Variants in NOSIP observed in about 807,000 individuals in gnomAD.
The protein encoded by NOSIP is nitric oxide synthase interacting protein.
Under a neutral mutation model 36.4 loss-of-function variants are expected in NOSIP, and 25 were observed. That is an observed-to-expected ratio of 0.69 (90% confidence interval 0.50 to 0.96). NOSIP has a LOEUF of 0.96. Among genes scored for constraint, NOSIP ranks in the 40% least tolerant of loss-of-function variants. The pLI, the probability that NOSIP is intolerant of heterozygous loss-of-function variation, is 0.00. For missense variants in NOSIP, 370 were observed against 429.0 expected (o/e 0.86, Z 1.21); for synonymous variants, 187 against 179.2 (o/e 1.04, Z -0.35).
intron 1 of NOSIP, among the ~76,000 whole-genome samples, chr19:49,571,361 G>T (rs9304689): frequency 0.25 from 38,410 of 151,876 alleles, 7,541 homozygotes; most frequent in African/African-American, 0.55. Context: ...AACCAAGGGT[G>T]GAAGAATAGC....
chr19:49,572,601 A>AT (rs2080500144), intron 1 of NOSIP, among the ~76,000 whole-genome samples: 1 of 151,456 alleles, frequency 6.6e-6, no homozygotes, highest in Non-Finnish European at 1.5e-5. Context: ...TTATATTTGT[A>AT]TTTTTAGCAC....
intron 1 of NOSIP, among the ~76,000 whole-genome samples, chr19:49,567,561 T>A (rs898475843): frequency 6.6e-6 from 1 of 152,196 alleles, no homozygotes; most frequent in African/African-American, 2.4e-5. Flanking sequence ...TGTGCCTGGG[T>A]CAGCAAGGAA....
chr19:49,571,525 C>T (rs561705860), intron 1 of NOSIP, among the ~76,000 whole-genome samples: 4 of 152,250 alleles, frequency 2.6e-5, no homozygotes, highest in Admixed American at 2.0e-4. Context: ...CAGGAGCGAC[C>T]GATGTCAGCA....
At position 49,555,770 on chromosome 19, in the gene NOSIP, C is replaced by G. The variant is rs746645712; in HGVS notation, c.887G>C (p.Arg296Pro). Residue 296 changes from arginine to proline, a missense_variant, in exon 9 of 9, where the codon CGG (arginine) becomes CCG (proline). Coordinates refer to ENST00000596358, the MANE Select transcript of NOSIP (RefSeq NM_001270960.2). ...ACACACTCAGGCCTGCATCACCGGC[C>G]GTGATTTCTCCGCTTGCAGCTTCAC... ...SGVKLQAEKS[R>P]PVMQA The G allele has an allele frequency of 1.2e-6, 2 of 1,613,604 alleles. No individual in the cohort carries two copies. The highest frequency in any genetic ancestry group is 8.5e-7 in the Non-Finnish European group (1 of 1,179,814).
At chr19:49,579,238 G>A (rs980271226) in intron 1 of NOSIP, 4 of 152,184 alleles carry the variant, frequency 2.6e-5, no homozygotes, top group African/African-American at 7.2e-5. Flanking sequence ...TTTAAAGTGT[G>A]ATGATGGTAT....
intron 1 of NOSIP, among the ~76,000 whole-genome samples, chr19:49,568,352 G>A (rs2080437991): frequency 1.3e-5 from 2 of 152,142 alleles, no homozygotes. Context: ...CCTAGTACCA[G>A]ATGTGGATGG....
chr19:49,556,676 C>G lies in NOSIP; in HGVS notation c.598G>C (p.Val200Leu), dbSNP rs757747143. The change falls in exon 7 of 9, where the codon GTG (valine) becomes CTG (leucine). Residue 200 changes from valine to leucine, a missense_variant. Val to Leu is a conservative substitution (Grantham distance 32). Around this residue, in one of 3 missense-constraint regions of NOSIP, gnomAD observed 315 missense variants for 331.9 expected, o/e 0.95. Transcript: ENST00000596358. ...GAGCTGTCTAGCGGTGTGAAGTGCA[C>G]GGGCGTCAGGTCCGACATGCGCAGG... ...KPLRMSDLTP[V>L]HFTPLDSSVD... 35 of 1,611,294 alleles carry G rather than the reference C, an allele frequency of 2.2e-5. No individual in the cohort carries two copies. The highest frequency in any genetic ancestry group is 2.9e-5 in the Non-Finnish European group (34 of 1,179,106).
rs541708409 is a variant in NOSIP, at chr19:49,555,895, G to T, written c.835-73C>A. The stretch of plus-strand genomic sequence containing the variant: ...ACCAGTGGGGCTCCAGGTGGTAGTG[G>T]GGATTCCTAAGCGGGTCAAGGTGAA... On this transcript the variant is annotated intron_variant, in intron 8 of 8. Transcript: ENST00000596358. 7.6e-5 allele frequency: 87 copies of T among 1,141,612 alleles called. No individual in the cohort carries two copies. In the East Asian group the frequency reaches 2.1e-3, roughly 27 times the overall value. 70.7% of individuals were successfully genotyped at this position (1,141,612 alleles called of 1,614,324 possible).
chr19:49,559,023 C>G (rs79151664), intron 3 of NOSIP, 45 bp from the exon 4 acceptor site: 3 of 1,501,422 alleles, frequency 2.0e-6, no homozygotes, highest in African/African-American at 2.8e-5. Flanking sequence ...GTGATCCTCC[C>G]GCCTCGGCCT....
intron 1 of NOSIP, among the ~76,000 whole-genome samples, chr19:49,568,797 A>G (rs5023762): frequency 3.8e-5 from 5 of 131,074 alleles, no homozygotes; most frequent in African/African-American, 1.6e-4. Context: ...AAAAAAAAAT[A>G]GTTTGTTTGT....
At chr19:49,579,655 A>G (rs1037242545) in intron 1 of NOSIP, among the ~76,000 whole-genome samples, 2 of 152,168 alleles carry the variant, frequency 1.3e-5, no homozygotes, top group African/African-American at 4.8e-5. Flanking sequence ...CCATAATTAG[A>G]TGTTGTTTGA....
intron 1 of NOSIP, among the ~76,000 whole-genome samples, chr19:49,567,002 G>A (rs1333690602): frequency 6.6e-6 from 1 of 151,216 alleles, no homozygotes; most frequent in Non-Finnish European, 1.5e-5. Context: ...TTTTAGTAGA[G>A]ATGGGGTTTC....
chr19:49,557,107 A>AGGGCCTTGGCTGTGAAAGGGTTGAG lies in NOSIP; in HGVS notation c.376_400dup (p.Leu134ProfsTer16). 1 of 1,612,240 alleles carries AGGGCCTTGGCTGTGAAAGGGTTGAG rather than the reference A, an allele frequency of 6.2e-7. No homozygotes were observed. The highest frequency in any genetic ancestry group is 8.5e-7 in the Non-Finnish European group (1 of 1,179,196). The stretch of plus-strand genomic sequence containing the variant: ...TGAGTCACCTGGGCTGGTGCCCGAG[A>AGGGCCTTGGCTGTGAAAGGGTTGAG]GGGCCTTGGCTGTGAAAGGGTTGAG... On this transcript the variant is annotated frameshift_variant, in exon 5 of 9. Coordinates refer to ENST00000596358, the MANE Select transcript of NOSIP (RefSeq NM_001270960.2). LOFTEE classifies it high-confidence loss of function.
chr19:49,574,113 C>T (rs1003338668), intron 1 of NOSIP, among the ~76,000 whole-genome samples: 2 of 152,018 alleles, frequency 1.3e-5, no homozygotes, highest in Non-Finnish European at 2.9e-5. Context: ...TCTACTACCT[C>T]GGCCTCCCAA....
At chr19:49,569,561 CT>C (rs1421480907) in intron 1 of NOSIP, among the ~76,000 whole-genome samples, 1 of 146,122 alleles carries the variant, frequency 6.8e-6, no homozygotes, top group Middle Eastern at 3.4e-3. Flanking sequence ...AATCCCAGCA[CT>C]TTAGGAGGCC....
chr19:49,572,066 T>C (rs1378407377), intron 1 of NOSIP, among the ~76,000 whole-genome samples: 2 of 151,110 alleles, frequency 1.3e-5, no homozygotes, highest in Admixed American at 6.6e-5. Context: ...TTTCAGCACA[T>C]CTCAGTAATT....
intron 1 of NOSIP, among the ~76,000 whole-genome samples, chr19:49,564,155 A>G (rs916093994): frequency 1.3e-5 from 2 of 152,260 alleles, no homozygotes; most frequent in East Asian, 1.9e-4. Flanking sequence ...GGAAACGCAC[A>G]TTAAAACTTC....
At chr19:49,572,545 T>A (rs1235379788) in intron 1 of NOSIP, among the ~76,000 whole-genome samples, 1 of 151,242 alleles carries the variant, frequency 6.6e-6, no homozygotes, top group East Asian at 2.0e-4. Context: ...CCCAAGTAAC[T>A]GGAATTCCAG....
intron 1 of NOSIP, among the ~76,000 whole-genome samples, chr19:49,561,039 C>A (rs2080327024): frequency 6.6e-6 from 1 of 152,058 alleles, no homozygotes; most frequent in South Asian, 2.1e-4. Flanking sequence ...AAAAAGACAC[C>A]AAGGGGGCCA....
Sources: gnomAD v4.1 joint callset for allele counts (sites outside exome capture counted in the v4.1 genomes callset) on GRCh38, gnomAD v4.1.1 for gene constraint, gnomAD v4.1.1 regional missense constraint, MANE v1.5 for transcripts, NCBI Gene and HGNC (gene_info 2026-07-23, HGNC 2026-07-21) for gene names.